Variants in ELAVL4 observed in about 807,000 individuals in gnomAD.
The protein encoded by ELAVL4 is ELAV-like protein 4.
Under a neutral mutation model 35.6 loss-of-function variants are expected in ELAVL4, and 1 was observed. That is an observed-to-expected ratio of 0.03 (90% CI 0.01 to 0.13). ELAVL4 has a LOEUF of 0.13. Among genes scored for constraint, ELAVL4 ranks in the 10% least tolerant of loss-of-function variants. The probability of loss-of-function intolerance (pLI) is 1.00; values close to 1 mark genes in which losing one functional copy is unlikely to be tolerated. For missense variants in ELAVL4, 267 were observed against 464.9 expected, an observed-to-expected ratio of 0.57 and a Z score of 3.91; for synonymous variants, 156 against 171.0, an observed-to-expected ratio of 0.91 and a Z score of 0.69.
intron 1 of ELAVL4, among the ~76,000 whole-genome samples, chr1:50,072,848 T>G (rs1406934821): frequency 6.6e-6 from 1 of 152,130 alleles, no homozygotes; most frequent in African/African-American, 2.4e-5. Flanking sequence ...GAAATAACTT[T>G]CCCAAGGTAC....
chr1:50,107,727 T>G (rs1248616739), upstream of ELAVL4, among the ~76,000 whole-genome samples: 1 of 152,216 alleles, frequency 6.6e-6, no homozygotes, highest in African/African-American at 2.4e-5. Flanking sequence ...ATTGATTAAA[T>G]TATGAGTTAA....
rs78772089 is a variant in ELAVL4 at position 50,081,582 on chromosome 1, A to T, written c.18+33400A>T. ...TAATAAGCACACCAGGGTGATGCTA[A>T]TGGATGTAGCCCTTTTGAATCTTGC... On this transcript the variant is annotated intron_variant, in intron 1 of 6. Transcript: ENST00000448907. 3.6e-3 allele frequency among the ~76,000 whole-genome samples: 552 copies of T among 152,366 alleles called. 1 individual carries two copies. The highest frequency in any genetic ancestry group is 0.012 in the African/African-American group (513 of 41,592).
chr1:50,201,144 T>C lies in ELAVL4; in HGVS notation c.1067T>C (p.Val356Ala). ...GYRLGDRVLQ[V>A]SFKTNKAHKS ...CGCCTGGGAGACAGAGTGTTGCAAG[T>C]TTCCTTTAAAACCAACAAAGCCCAC... The change falls in exon 7 of 7, where the codon GTT (valine) becomes GCT (alanine). Residue 356 changes from valine (V) to alanine (A), a missense_variant. Physicochemically the swap from Val to Ala is moderately conservative, Grantham distance 64. This residue lies in a region of ELAVL4 where 216 missense variants were observed against 409.5 expected (regional missense o/e 0.53). Coordinates refer to ENST00000371824, the MANE Select transcript of ELAVL4 (RefSeq NM_001144774.3). The surrounding 1 kb of genome is among the most constrained non-coding windows in gnomAD (Gnocchi z 4.3). The C allele has an allele frequency of 1.2e-6, 2 of 1,604,534 alleles. No individual in the cohort carries two copies. Among genetic ancestry groups the C allele is most frequent in the Non-Finnish European group, 1.7e-6 (2 of 1,175,274 alleles).
intron 1 of ELAVL4, among the ~76,000 whole-genome samples, chr1:50,090,842 T>C (rs1665461485): frequency 6.6e-6 from 1 of 152,204 alleles, no homozygotes; most frequent in Non-Finnish European, 1.5e-5. Flanking sequence ...TCTAGCTGTA[T>C]GGCTAGGCAG....
chr1:50,158,691 T>G (rs1204706030), intron 2 of ELAVL4, among the ~76,000 whole-genome samples: 1 of 152,188 alleles, frequency 6.6e-6, no homozygotes, highest in Non-Finnish European at 1.5e-5. Flanking sequence ...CAAGACTCTG[T>G]GATGTCATCT....
Position 50,181,972 on chromosome 1 carries a change from C to T in ELAVL4, c.354+4780C>T, listed in dbSNP as rs140813361. On this transcript the variant is annotated intron_variant, in intron 3 of 6. Coordinates refer to ENST00000371824, the MANE Select transcript of ELAVL4 (RefSeq NM_001144774.3). ...TGCTGGGATTACAGGCGTGAGCCAC[C>T]GCGCCCGGCTAGCTTTGTTTTTAAA... Among the ~76,000 whole-genome samples the T allele has an allele frequency of 4.5e-4, 68 of 152,314 alleles. 2 individuals are homozygous for T. In the East Asian group the frequency reaches 0.011, roughly 25 times the overall value.
upstream of ELAVL4, chr1:50,106,224 T>C: frequency 7.6e-7 from 1 of 1,307,866 alleles, no homozygotes. Flanking sequence ...CTGAATTGGC[T>C]TCTGGTACAG....
In ELAVL4 at chr1:50,161,614, ATG is replaced by A. The variant is rs1676822979; in HGVS notation, c.251-15471_251-15470del. ...TCGTTTATTGAGGTGTATTTTTGAA[ATG>A]TGTATTTAAAGATCTGTCATTTGGA... On this transcript the variant is annotated intron_variant, in intron 2 of 6. Coordinates refer to ENST00000371824, the MANE Select transcript of ELAVL4 (RefSeq NM_001144774.3). 3.3e-5 allele frequency among the ~76,000 whole-genome samples: 5 copies of A among 152,338 alleles called. No individual in the cohort carries two copies. In the South Asian group the frequency reaches 1.0e-3, roughly 32 times the overall value.
At chr1:50,177,837 A>T (rs1465152765) in intron 3 of ELAVL4, among the ~76,000 whole-genome samples, 1 of 152,236 alleles carries the variant, frequency 6.6e-6, no homozygotes, top group Admixed American at 6.5e-5. Flanking sequence ...AAAAAGTAAC[A>T]TTTCAGCAAT....
chr1:50,101,192 A>G (rs905998216), upstream of ELAVL4, among the ~76,000 whole-genome samples: 8 of 152,202 alleles, frequency 5.3e-5, no homozygotes, highest in Admixed American at 1.3e-4. Flanking sequence ...TTCATTCCCC[A>G]TAACTCAGCA....
chr1:50,048,722 A>G (rs895901304), intron 1 of ELAVL4, among the ~76,000 whole-genome samples: 2 of 152,112 alleles, frequency 1.3e-5, no homozygotes, highest in African/African-American at 4.8e-5. Flanking sequence ...ACCCTCCCCT[A>G]TCTTTCCTCT....
At chr1:50,085,109 C>CTG in intron 1 of ELAVL4, among the ~76,000 whole-genome samples, 1 of 152,290 alleles carries the variant, frequency 6.6e-6, no homozygotes, top group South Asian at 2.1e-4. Context: ...GTGTATACAA[C>CTG]TATAAGCACT....
At position 50,055,279 on chromosome 1, in the gene ELAVL4, T is replaced by G. The variant is rs947472664; in HGVS notation, c.18+7097T>G. ...AAGCATGATCAATTTGTTTTGTTTT[T>G]TTTTTGTTTTGTTTTTGTTTTTGTT... On this transcript the variant is annotated intron_variant, in intron 1 of 6. Transcript: ENST00000448907. 1.4e-4 allele frequency among the ~76,000 whole-genome samples: 21 copies of G among 150,790 alleles called. No homozygotes were observed. The East Asian group carries it at 1.6e-3, about 11-fold the overall frequency.
intron 4 of ELAVL4, 96 bp from the exon 5 acceptor site, chr1:50,195,465 A>G: frequency 7.3e-7 from 1 of 1,374,194 alleles, no homozygotes; most frequent in Non-Finnish European, 1.0e-6. Flanking sequence ...AGGTGGGCTT[A>G]CTCCTCACAC....
intron 1 of ELAVL4, among the ~76,000 whole-genome samples, chr1:50,081,040 T>C (rs1664984929): frequency 6.6e-6 from 1 of 152,178 alleles, no homozygotes; most frequent in African/African-American, 2.4e-5. Flanking sequence ...GATTCAAGGA[T>C]TAGAAGAGCT....
chr1:50,189,740 G>A (rs1682388456), intron 3 of ELAVL4, among the ~76,000 whole-genome samples: 1 of 152,182 alleles, frequency 6.6e-6, no homozygotes, highest in Non-Finnish European at 1.5e-5. Flanking sequence ...TATCTACTAA[G>A]TTCTAGGTAT....
At chr1:50,084,474 T>C (rs1012834298) in intron 1 of ELAVL4, among the ~76,000 whole-genome samples, 1 of 152,144 alleles carries the variant, frequency 6.6e-6, no homozygotes, top group Admixed American at 6.6e-5. Context: ...ATGGCTGAGA[T>C]CATACTGTGA....
At chr1:50,144,272 G>A (rs928969690) in intron 1 of ELAVL4, among the ~76,000 whole-genome samples, 2 of 152,224 alleles carry the variant, frequency 1.3e-5, no homozygotes, top group Middle Eastern at 6.8e-3. Context: ...CTCAGGCGGT[G>A]CTGGACCTAA....
rs962477299 is a variant in ELAVL4, at chr1:50,201,340, G to A, written c.*162G>A. ...GTGTTGCCTAAGTATTAAAACATTG[G>A]ATTATCCTGAGGTGTACCAGGAAAG... On this transcript the variant is annotated 3_prime_UTR_variant, in exon 7 of 7. Coordinates refer to ENST00000371824, the MANE Select transcript of ELAVL4 (RefSeq NM_001144774.3). This position sits in a 1 kb window ranked among gnomAD's most constrained non-coding sequence, Gnocchi z 4.3. 5 of 750,244 alleles carry A rather than the reference G, an allele frequency of 6.7e-6. No individual in the cohort carries two copies. The African/African-American group carries it at 9.0e-5, about 14-fold the overall frequency. The allele number at this position is 750,244 out of a possible 1,614,324, so 46.5% of individuals were successfully genotyped here.
Sources: gnomAD v4.1 joint callset for allele counts (sites outside exome capture counted in the v4.1 genomes callset) on GRCh38, gnomAD v4.1.1 for gene constraint, gnomAD v4.1.1 regional missense constraint, Gnocchi (gnomAD v3.1) non-coding constraint, MANE v1.5 for transcripts, NCBI Gene and HGNC (gene_info 2026-07-23, HGNC 2026-07-21) for gene names.